IVD: variants seen among roughly 807,000 people sequenced by gnomAD.
The protein encoded by IVD is isovaleryl-CoA dehydrogenase, mitochondrial.
In IVD, 31 loss-of-function variants were observed where a neutral mutation model predicts 51.3. That is an observed-to-expected ratio of 0.60 (90% CI 0.45 to 0.81). The LOEUF is 0.81. Ranked by LOEUF, IVD falls within the 40% of genes least tolerant of loss-of-function variation. IVD has a pLI of 0.00. For synonymous variants in IVD, 205 were observed against 219.4 expected (o/e 0.93, Z 0.58); for missense variants, 475 against 552.0 (o/e 0.86, Z 1.40).
chr15:40,415,339 T>G (rs980204099), intron 8 of IVD, 62 bp from the exon 9 acceptor site: 4 of 1,405,510 alleles, frequency 2.8e-6, no homozygotes, highest in Admixed American at 3.3e-5. Context: ...CGCTAGCATT[T>G]TGCCACCACA....
Position 40,420,904 on chromosome 15 carries a change from AGG to A in IVD, c.*2643_*2644del. On this transcript the variant is annotated 3_prime_UTR_variant, in exon 12 of 12. Coordinates refer to ENST00000487418, the MANE Select transcript of IVD (RefSeq NM_002225.5). ...TCCACCCCTTCCGAGTTCCAAAAAG[AGG>A]GAACTGGTTTTCTTGGTTCTCAGCC... 1 of 985,598 alleles carries A rather than the reference AGG, an allele frequency of 1.0e-6. No individual in the cohort carries two copies. The highest frequency in any genetic ancestry group is 1.2e-6 in the Non-Finnish European group (1 of 830,060). 61.1% of individuals were successfully genotyped at this position (985,598 alleles called of 1,614,324 possible).
chr15:40,411,808 A>T (rs1468942775), intron 6 of IVD, 117 bp downstream of exon 6: 2 of 1,267,850 alleles, frequency 1.6e-6, no homozygotes, highest in African/African-American at 2.9e-5. Context: ...AGGCCCCCAG[A>T]GGTGGGGGTG....
At chr15:40,407,800 A>C in intron 2 of IVD, 75 bp downstream of exon 2, 1 of 1,454,108 alleles carries the variant, frequency 6.9e-7, no homozygotes, top group African/African-American at 1.6e-5. Flanking sequence ...GGAAGAGCTC[A>C]CACAGTTTTC....
At position 40,411,762 on chromosome 15, in the gene IVD, C is replaced by T. The variant is rs1160450310; in HGVS notation, c.687+71C>T. The T allele has an allele frequency of 4.5e-6, 7 of 1,552,604 alleles. No homozygotes were observed. In the African/African-American group the frequency reaches 6.8e-5, roughly 15 times the overall value. Reference sequence around the variant, plus strand: ...AGTGGTACCAGAGATAGCCCGTTCACTGATCTCAAATGGAATCAGTGTTGT... The same window carrying T: ...AGTGGTACCAGAGATAGCCCGTTCATTGATCTCAAATGGAATCAGTGTTGT... On this transcript the variant is annotated intron_variant, in intron 6 of 11. Transcript: ENST00000487418.
rs1892164261 is a variant in IVD at position 40,420,185 on chromosome 15, A to G, written c.*1922A>G. On this transcript the variant is annotated 3_prime_UTR_variant, in exon 12 of 12. Coordinates refer to ENST00000487418, the MANE Select transcript of IVD (RefSeq NM_002225.5). ...AGCAGAGGACAGCGTGCTTTTGTGT[A>G]CTGTTGGAAGACTGGCTCCTCCTGT... The G allele has an allele frequency of 1.0e-6, 1 of 985,860 alleles. No individual in the cohort carries two copies. The allele number at this position is 985,860 out of a possible 1,614,324, so 61.1% of individuals were successfully genotyped here.
chr15:40,406,461 C>A, intron 1 of IVD: 1 of 707,210 alleles, frequency 1.4e-6, no homozygotes, highest in Non-Finnish European at 2.1e-6. Context: ...CTCTTCAGCC[C>A]ATTGGGTCAA....
chr15:40,415,294 T>C (rs1254438894), intron 8 of IVD, 107 bp from the exon 9 acceptor site: 9 of 990,496 alleles, frequency 9.1e-6, no homozygotes, highest in Non-Finnish European at 1.4e-5. Flanking sequence ...CTTTCTGAAG[T>C]TGCTTTTCTC....
chr15:40,415,163 A>G (rs1891522582), intron 8 of IVD, 181 bp downstream of exon 8: 1 of 788,720 alleles, frequency 1.3e-6, no homozygotes, highest in East Asian at 2.7e-5. Flanking sequence ...ACAGTGGGGA[A>G]ATATCATTAA....
chr15:40,406,461 C>T, intron 1 of IVD: 1 of 707,210 alleles, frequency 1.4e-6, no homozygotes, highest in Non-Finnish European at 2.1e-6. Flanking sequence ...CTCTTCAGCC[C>T]ATTGGGTCAA....
downstream of IVD, among the ~76,000 whole-genome samples, chr15:40,424,770 G>T (rs1048036538): frequency 1.3e-5 from 2 of 152,170 alleles, no homozygotes; most frequent in East Asian, 3.8e-4. Context: ...TTGTGTATAC[G>T]GTCCTCTCTG....
intron 3 of IVD, among the ~76,000 whole-genome samples, chr15:40,409,220 G>A (rs753674083): frequency 4.6e-5 from 7 of 152,116 alleles, no homozygotes; most frequent in Middle Eastern, 3.4e-3. Flanking sequence ...TGTATTTTAC[G>A]GAAGAAAGAG....
chr15:40,428,061 A>G (rs1177595392), downstream of IVD, among the ~76,000 whole-genome samples: 1 of 152,108 alleles, frequency 6.6e-6, no homozygotes, highest in African/African-American at 2.4e-5. Context: ...ACGCACCTGT[A>G]ATGCCAGCTA....
chr15:40,425,480 T>C (rs770846862), downstream of IVD, among the ~76,000 whole-genome samples: 1 of 145,922 alleles, frequency 6.9e-6, no homozygotes. Flanking sequence ...TTCCATATCT[T>C]GCTTTTTGGC....
At chr15:40,406,266 G>A in intron 1 of IVD, 2 of 1,458,018 alleles carry the variant, frequency 1.4e-6, no homozygotes, top group South Asian at 1.2e-5. Flanking sequence ...TGGTGTTTTG[G>A]TGGAGGATTG....
chr15:40,427,612 TG>T (rs1261840966), downstream of IVD, among the ~76,000 whole-genome samples: 7 of 152,246 alleles, frequency 4.6e-5, no homozygotes, highest in African/African-American at 1.7e-4. Context: ...TGCTGCAGGC[TG>T]GCCAGGGCTG....
At chr15:40,433,720 C>T (rs565020807) in intron 7 of IVD, 19 of 365,086 alleles carry the variant, frequency 5.2e-5, no homozygotes, top group African/African-American at 3.4e-4. Context: ...TTCTATTTAC[C>T]AATTGTTTAC....
chr15:40,411,740 G>C (rs201402739), intron 6 of IVD, 49 bp downstream of exon 6: 189 of 1,601,954 alleles, frequency 1.2e-4, no homozygotes, highest in Middle Eastern at 7.0e-4. Context: ...TCCTGACAGT[G>C]GTACCAGAGA....
Position 40,414,900 on chromosome 15 carries a change from C to G in IVD, c.796C>G (p.Leu266Val), listed in dbSNP as rs766980574. ...EDCKIPAANILGHENKGVYVL... is the reference protein window; with the variant it reads ...EDCKIPAANIVGHENKGVYVL... ...ACTTATCCTGGCAGCTGCCAACATC[C>G]TGGGCCATGAGAATAAGGGTGTCTA... Residue 266 changes from leucine to valine, a missense_variant, in exon 8 of 12, where the codon CTG (leucine) becomes GTG (valine). By Grantham distance (32) the Leu-to-Val change is conservative. Coordinates refer to ENST00000487418, the MANE Select transcript of IVD (RefSeq NM_002225.5). 84 of 1,614,054 alleles carry G rather than the reference C, an allele frequency of 5.2e-5. No individual in the cohort carries two copies. In the East Asian group the frequency reaches 1.8e-3, roughly 35 times the overall value.
chr15:40,409,891 C>T (rs1193477602), intron 3 of IVD, among the ~76,000 whole-genome samples: 1 of 147,110 alleles, frequency 6.8e-6, no homozygotes, highest in Non-Finnish European at 1.5e-5. Flanking sequence ...GGCTGGAGTG[C>T]AGTGGCGCGA....
Sources: allele counts gnomAD v4.1 joint callset (sites outside exome capture counted in the v4.1 genomes callset), GRCh38; gene constraint gnomAD v4.1.1; transcripts MANE v1.5; gene names NCBI Gene and HGNC (gene_info 2026-07-23, HGNC 2026-07-21).